The following DOCK3 variants were observed in gnomAD, a reference collection of about 807,000 sequenced individuals.
DOCK3 encodes dedicator of cytokinesis protein 3.
In DOCK3, 60 loss-of-function variants were observed where a neutral mutation model predicts 265.6. That is an observed-to-expected ratio of 0.23 (90% confidence interval 0.18 to 0.28). The LOEUF (loss-of-function observed/expected upper bound fraction) is 0.28, where lower values mean the gene tolerates loss of function less well. Ranked by LOEUF, DOCK3 falls within the 10% of genes least tolerant of loss-of-function variation. The probability of loss-of-function intolerance (pLI) is 1.00; values close to 1 mark genes in which losing one functional copy is unlikely to be tolerated. For missense variants in DOCK3, 1,981 were observed against 2,594.3 expected, an observed-to-expected ratio of 0.76 and a Z score of 5.14; for synonymous variants, 881 against 938.0, an observed-to-expected ratio of 0.94 and a Z score of 1.11.
chr3:50,878,931 C>T (rs989307874), intron 3 of DOCK3, among the ~76,000 whole-genome samples: 16 of 152,208 alleles, frequency 1.1e-4, no homozygotes, highest in African/African-American at 3.4e-4. Flanking sequence ...GCAGATCTCT[C>T]GGCAGAAACT....
chr3:51,228,382 C>G (rs1289151051), intron 17 of DOCK3, among the ~76,000 whole-genome samples: 1 of 152,218 alleles, frequency 6.6e-6, no homozygotes, highest in Non-Finnish European at 1.5e-5. Flanking sequence ...CTTAGACCTG[C>G]TATTTGAGAT....
chr3:51,150,619 T>A (rs552505291), intron 10 of DOCK3, among the ~76,000 whole-genome samples: 12 of 152,362 alleles, frequency 7.9e-5, no homozygotes, highest in African/African-American at 2.9e-4. Flanking sequence ...AGGAGCAGAT[T>A]GTTCAGTTTC....
At chr3:51,000,713 C>T (rs992493004) in intron 5 of DOCK3, among the ~76,000 whole-genome samples, 2 of 151,966 alleles carry the variant, frequency 1.3e-5, no homozygotes, top group African/African-American at 2.4e-5. Context: ...AGTGTAGTGG[C>T]GCGATCTTGG....
chr3:50,740,693 C>T (rs544343533), intron 1 of DOCK3, among the ~76,000 whole-genome samples: 2 of 151,996 alleles, frequency 1.3e-5, no homozygotes, highest in East Asian at 3.9e-4. Flanking sequence ...AGGTTGTTTT[C>T]TCATTATTGG....
intron 1 of DOCK3, among the ~76,000 whole-genome samples, chr3:50,756,174 G>A (rs1340333625): frequency 6.6e-6 from 1 of 152,208 alleles, no homozygotes; most frequent in Non-Finnish European, 1.5e-5. Flanking sequence ...CACATGCACA[G>A]TGTGTTTATG....
intron 5 of DOCK3, among the ~76,000 whole-genome samples, chr3:51,037,828 A>G (rs1260358258): frequency 6.6e-6 from 1 of 152,222 alleles, no homozygotes; most frequent in Non-Finnish European, 1.5e-5. Context: ...ATTTCATTAC[A>G]GTAAACGCAG....
At chr3:50,928,105 T>C (rs1378354533) in intron 4 of DOCK3, among the ~76,000 whole-genome samples, 1 of 142,540 alleles carries the variant, frequency 7.0e-6, no homozygotes, top group Non-Finnish European at 1.5e-5. Context: ...ACTGGCAATA[T>C]TTTTGTGTGA....
intron 13 of DOCK3, among the ~76,000 whole-genome samples, chr3:51,211,877 G>A (rs2089525914): frequency 6.6e-6 from 1 of 152,210 alleles, no homozygotes; most frequent in African/African-American, 2.4e-5. Flanking sequence ...TATGTACCCA[G>A]TAATGGGATG....
intron 1 of DOCK3, among the ~76,000 whole-genome samples, chr3:50,733,974 A>G (rs979367400): frequency 2.0e-5 from 3 of 152,188 alleles, no homozygotes; most frequent in Admixed American, 6.6e-5. Context: ...AACTCTGCAT[A>G]TAAAGAACTT....
At chr3:50,940,950 A>G (rs2076274701) in intron 5 of DOCK3, among the ~76,000 whole-genome samples, 1 of 152,212 alleles carries the variant, frequency 6.6e-6, no homozygotes, top group Non-Finnish European at 1.5e-5. Flanking sequence ...TTATAGGCTC[A>G]AATGTAACAT....
intron 9 of DOCK3, among the ~76,000 whole-genome samples, chr3:51,141,137 C>T (rs2085043301): frequency 6.6e-6 from 1 of 150,688 alleles, no homozygotes; most frequent in Non-Finnish European, 1.5e-5. Flanking sequence ...TCCTTCCTAC[C>T]TAAGAAACCA....
chr3:50,853,695 T>C (rs1319008219), intron 3 of DOCK3, among the ~76,000 whole-genome samples: 2 of 152,210 alleles, frequency 1.3e-5, no homozygotes, highest in Non-Finnish European at 2.9e-5. Flanking sequence ...AACCACATGT[T>C]CTTTATCCAG....
At chr3:50,786,237 CTTT>C (rs2042180023) in intron 2 of DOCK3, among the ~76,000 whole-genome samples, 1 of 152,058 alleles carries the variant, frequency 6.6e-6, no homozygotes. Flanking sequence ...TGTTATTCAT[CTTT>C]TCTTTTTTTC....
chr3:50,736,955 G>T (rs1237211166), intron 1 of DOCK3, among the ~76,000 whole-genome samples: 1 of 152,088 alleles, frequency 6.6e-6, no homozygotes, highest in African/African-American at 2.4e-5. Context: ...GCCTCCCAAA[G>T]TGCTGGGATT....
At chr3:50,882,433 A>T (rs2048094067) in intron 3 of DOCK3, among the ~76,000 whole-genome samples, 1 of 152,208 alleles carries the variant, frequency 6.6e-6, no homozygotes, top group African/African-American at 2.4e-5. Context: ...AAAATCAAAC[A>T]ACCCCATCAA....
intron 21 of DOCK3, among the ~76,000 whole-genome samples, chr3:51,245,956 G>A (rs1377687905): frequency 2.6e-5 from 4 of 152,118 alleles, no homozygotes; most frequent in Non-Finnish European, 5.9e-5. Flanking sequence ...GATATTGATA[G>A]GCCCCAGATG....
At chr3:50,931,796 G>A (rs1438620136) in intron 4 of DOCK3, among the ~76,000 whole-genome samples, 1 of 152,202 alleles carries the variant, frequency 6.6e-6, no homozygotes, top group Non-Finnish European at 1.5e-5. Flanking sequence ...GGAGCCGAGT[G>A]CCTAATCATT....
At chr3:51,044,050 A>G (rs1294590195) in intron 5 of DOCK3, among the ~76,000 whole-genome samples, 1 of 152,226 alleles carries the variant, frequency 6.6e-6, no homozygotes, top group Non-Finnish European at 1.5e-5. Context: ...CAGAAATACC[A>G]TTTGATCCAG....
intron 14 of DOCK3, among the ~76,000 whole-genome samples, chr3:51,216,898 T>C (rs1185771877): frequency 1.3e-5 from 2 of 152,132 alleles, no homozygotes; most frequent in Non-Finnish European, 2.9e-5. Flanking sequence ...GTGAGAGTGT[T>C]TTACTTGAAT....
Sources: allele counts gnomAD v4.1 joint callset (sites outside exome capture counted in the v4.1 genomes callset), GRCh38; gene constraint gnomAD v4.1.1; transcripts MANE v1.5; gene names NCBI Gene and HGNC (gene_info 2026-07-23, HGNC 2026-07-21).